Variants in BNC2 observed in about 807,000 individuals in gnomAD.
BNC2 encodes the protein zinc finger protein basonuclin-2.
In BNC2, 20 loss-of-function variants were observed where a neutral mutation model predicts 76.3. That is an observed-to-expected ratio of 0.26 (90% CI 0.18 to 0.38). The LOEUF is 0.38. Among genes scored for constraint, BNC2 ranks in the 10% least tolerant of loss-of-function variants. The pLI, the probability that BNC2 is intolerant of heterozygous loss-of-function variation, is 1.00. For missense variants in BNC2, 1,382 were observed against 1,399.8 expected (o/e 0.99, Z 0.20); for synonymous variants, 582 against 514.8 (o/e 1.13, Z -1.77).
At chr9:16,785,999 T>C (rs970542294) in intron 1 of BNC2, among the ~76,000 whole-genome samples, 1 of 151,758 alleles carries the variant, frequency 6.6e-6, no homozygotes, top group Non-Finnish European at 1.5e-5. Context: ...AGGAAGAGGG[T>C]AGTCTCGGGA....
At chr9:16,485,746 C>A (rs1822151108) in intron 5 of BNC2, among the ~76,000 whole-genome samples, 1 of 152,088 alleles carries the variant, frequency 6.6e-6, no homozygotes, top group African/African-American at 2.4e-5. Flanking sequence ...GAGGGCGAGA[C>A]TGTAGTGAGC....
chr9:16,844,262 C>G (rs1280449172), intron 1 of BNC2, among the ~76,000 whole-genome samples: 2 of 151,736 alleles, frequency 1.3e-5, no homozygotes, highest in African/African-American at 2.4e-5. Flanking sequence ...ACGGGTATAT[C>G]TGGGTTTGAG....
At chr9:16,689,169 A>C (rs1823073623) in intron 3 of BNC2, among the ~76,000 whole-genome samples, 1 of 150,902 alleles carries the variant, frequency 6.6e-6, no homozygotes, top group Admixed American at 6.6e-5. Context: ...ATCACAAAAA[A>C]AAAAAAAAAA....
intron 3 of BNC2, among the ~76,000 whole-genome samples, chr9:16,607,018 G>C (rs1417116717): frequency 1.3e-5 from 2 of 152,140 alleles, no homozygotes; most frequent in African/African-American, 4.8e-5. Context: ...TGTGACCACA[G>C]CTCACTGCAG....
At chr9:16,769,493 C>G (rs997749083) in intron 1 of BNC2, among the ~76,000 whole-genome samples, 1 of 152,118 alleles carries the variant, frequency 6.6e-6, no homozygotes. Context: ...TGACAGGACC[C>G]CAAATCAGGG....
chr9:16,556,529 G>T (rs1488532638), intron 4 of BNC2, among the ~76,000 whole-genome samples: 2 of 152,030 alleles, frequency 1.3e-5, no homozygotes, highest in Admixed American at 6.6e-5. Context: ...CAGCACTTTG[G>T]GAGGCTGAGG....
intron 3 of BNC2, among the ~76,000 whole-genome samples, chr9:16,720,110 C>T (rs1824106037): frequency 6.6e-6 from 1 of 152,224 alleles, no homozygotes; most frequent in Non-Finnish European, 1.5e-5. Flanking sequence ...TTTTATCATG[C>T]CCTTACTCAA....
chr9:16,735,734 G>C (rs1294537028), intron 2 of BNC2, among the ~76,000 whole-genome samples: 1 of 151,812 alleles, frequency 6.6e-6, no homozygotes, highest in Non-Finnish European at 1.5e-5. Flanking sequence ...TGAACTCCTG[G>C]CCTCAATTGA....
intron 5 of BNC2, among the ~76,000 whole-genome samples, chr9:16,531,511 G>A (rs961733530): frequency 3.3e-5 from 5 of 151,662 alleles, no homozygotes; most frequent in Non-Finnish European, 7.4e-5. Context: ...TTGTTAACGT[G>A]CAAGTATAAT....
intron 3 of BNC2, among the ~76,000 whole-genome samples, chr9:16,644,919 C>A (rs865957802): frequency 1.4e-4 from 21 of 152,290 alleles, no homozygotes; most frequent in Middle Eastern, 6.8e-3. Context: ...AAACTAGAAA[C>A]TGTTCCAAAG....
chr9:16,760,099 GA>G (rs1825510890), intron 1 of BNC2, among the ~76,000 whole-genome samples: 1 of 152,152 alleles, frequency 6.6e-6, no homozygotes, highest in African/African-American at 2.4e-5. Flanking sequence ...TAGCTATAAT[GA>G]TACTTCCATG....
chr9:16,678,373 A>C (rs576097026), intron 3 of BNC2, among the ~76,000 whole-genome samples: 2 of 137,356 alleles, frequency 1.5e-5, no homozygotes, highest in African/African-American at 5.7e-5. Context: ...CTGCCTCCCA[A>C]TTCTCGTGCC....
chr9:16,859,319 G>A (rs889245792), intron 1 of BNC2, among the ~76,000 whole-genome samples: 4 of 152,128 alleles, frequency 2.6e-5, no homozygotes, highest in Non-Finnish European at 5.9e-5. Flanking sequence ...AAGAACTACT[G>A]TATGATCCAG....
At chr9:16,724,314 A>G (rs1235817153) in intron 3 of BNC2, among the ~76,000 whole-genome samples, 1 of 151,990 alleles carries the variant, frequency 6.6e-6, no homozygotes, top group Admixed American at 6.5e-5. Context: ...CAAATAGAAG[A>G]ATTGCCTCCT....
rs546696874 is a variant in BNC2 at position 16,570,077 on chromosome 9, A to C, written c.433+12906T>G. Among the ~76,000 whole-genome samples, 16 of 152,290 alleles carry C rather than the reference A, an allele frequency of 1.1e-4. No individual in the cohort carries two copies. In the East Asian group the frequency reaches 3.1e-3, roughly 29 times the overall value. On this transcript the variant is annotated intron_variant, in intron 4 of 6. Coordinates refer to ENST00000380672, the MANE Select transcript of BNC2 (RefSeq NM_017637.6). ...TAAGAAAATAATCACCCTACCCCCCAGTTATTCACTTTAAAGACTTAATTT... is the reference window on the plus strand; with the variant it reads ...TAAGAAAATAATCACCCTACCCCCCCGTTATTCACTTTAAAGACTTAATTT...
chr9:16,715,223 T>C (rs1478245506), intron 3 of BNC2, among the ~76,000 whole-genome samples: 3 of 152,250 alleles, frequency 2.0e-5, no homozygotes, highest in Non-Finnish European at 2.9e-5. Context: ...AAAATCCTTA[T>C]GCTTCTACCT....
Position 16,586,109 on chromosome 9 carries a change from C to A in BNC2, c.331-3024G>T, listed in dbSNP as rs564261592. ...AAACTGTCTGCTCTTTTCTTTATAC[C>A]TGCATTTTCAAAGTTTGTCGTTCAC... On this transcript the variant is annotated intron_variant, in intron 3 of 6. Coordinates refer to ENST00000380672, the MANE Select transcript of BNC2 (RefSeq NM_017637.6). Among the ~76,000 whole-genome samples, 14 of 151,866 alleles carry A rather than the reference C, an allele frequency of 9.2e-5. No individual in the cohort carries two copies. In the East Asian group the frequency reaches 1.4e-3, roughly 15 times the overall value.
chr9:16,668,268 C>A (rs754996859), intron 3 of BNC2, among the ~76,000 whole-genome samples: 3 of 152,218 alleles, frequency 2.0e-5, no homozygotes, highest in Non-Finnish European at 4.4e-5. Flanking sequence ...AACCACTGCA[C>A]CTAGCTTCTT....
rs1390396144 is a variant in BNC2 at position 16,692,252 on chromosome 9, A to G, written c.330+35545T>C. Among the ~76,000 whole-genome samples, 4 of 152,220 alleles carry G rather than the reference A, an allele frequency of 2.6e-5. No individual in the cohort carries two copies. In the South Asian group the frequency reaches 8.3e-4, roughly 31 times the overall value. ...TACATTGTCAACTCTGACAACTGAC[A>G]TTAAATGCAATTTCAAGTATGCCAC... is the stretch of plus-strand genomic sequence containing the variant. On this transcript the variant is annotated intron_variant, in intron 3 of 6. Coordinates refer to ENST00000380672, the MANE Select transcript of BNC2 (RefSeq NM_017637.6).
Sources: gnomAD v4.1 joint callset for allele counts (sites outside exome capture counted in the v4.1 genomes callset) on GRCh38, gnomAD v4.1.1 for gene constraint, MANE v1.5 for transcripts, NCBI Gene and HGNC (gene_info 2026-07-23, HGNC 2026-07-21) for gene names.